The following GTF2F2 variants were observed in gnomAD, a reference collection of about 807,000 sequenced individuals.
GTF2F2 encodes general transcription factor IIF subunit 2, also known as ATP-dependent helicase GTF2F2.
Under a neutral mutation model 42.2 loss-of-function variants are expected in GTF2F2, and 23 were observed. That is an observed-to-expected ratio of 0.55 (90% CI 0.39 to 0.77). The LOEUF (loss-of-function observed/expected upper bound fraction) is 0.77, where lower values mean the gene tolerates loss of function less well. Among genes scored for constraint, GTF2F2 ranks in the 30% least tolerant of loss-of-function variants. The pLI is 0.00. For synonymous variants in GTF2F2, 105 were observed against 100.8 expected (o/e 1.04, Z -0.25); for missense variants, 261 against 287.2 (o/e 0.91, Z 0.66).
chr13:45,168,623 A>T (rs1871417931), intron 4 of GTF2F2, among the ~76,000 whole-genome samples: 1 of 151,670 alleles, frequency 6.6e-6, no homozygotes, highest in South Asian at 2.1e-4. Flanking sequence ...TTATTTATTT[A>T]TTTTTTTGAG....
intron 2 of GTF2F2, 133 bp from the exon 3 acceptor site, chr13:45,149,637 G>A (rs1870382331): frequency 2.4e-6 from 2 of 849,676 alleles, no homozygotes; most frequent in Non-Finnish European, 3.4e-6. Context: ...GGGGAGTCAA[G>A]GGTAAATATT....
intron 5 of GTF2F2, among the ~76,000 whole-genome samples, chr13:45,248,041 C>T (rs1459106658): frequency 6.6e-6 from 1 of 152,052 alleles, no homozygotes; most frequent in Non-Finnish European, 1.5e-5. Context: ...AACGGGGTTT[C>T]ACCATGTTGG....
intron 5 of GTF2F2, among the ~76,000 whole-genome samples, chr13:45,211,796 G>A (rs1306939996): frequency 4.6e-5 from 7 of 151,926 alleles, no homozygotes; most frequent in Admixed American, 3.3e-4. Context: ...ATGTTGGTCA[G>A]GTTGGTCTTG....
rs34744288 is a variant in GTF2F2 at position 45,240,101 on chromosome 13, A to ATTTTTTTTTTTT, written c.387-12755_387-12744dup. On this transcript the variant is annotated intron_variant, in intron 5 of 7. Coordinates refer to ENST00000340473, the MANE Select transcript of GTF2F2 (RefSeq NM_004128.3). ...TCCAATTTCTGTATTATGTAGAGGG[A>ATTTTTTTTTTTT]TTTTTTTTTTTTTTTTTTTTTTTTT... Among the ~76,000 whole-genome samples the ATTTTTTTTTTTT allele has an allele frequency of 1.6e-3, 142 of 91,052 alleles. 11 individuals are homozygous for ATTTTTTTTTTTT. Among genetic ancestry groups the ATTTTTTTTTTTT allele is most frequent in the African/African-American group, 7.0e-3 (131 of 18,814 alleles). The allele number at this position is 91,052 out of a possible 152,430, so 59.7% of individuals were successfully genotyped here.
chr13:45,132,510 C>T (rs1276815114), intron 1 of GTF2F2, among the ~76,000 whole-genome samples: 1 of 151,560 alleles, frequency 6.6e-6, no homozygotes, highest in Non-Finnish European at 1.5e-5. Flanking sequence ...AGAGTGTGCA[C>T]ACTGAGAAAG....
intron 5 of GTF2F2, among the ~76,000 whole-genome samples, chr13:45,242,785 T>G (rs1463319546): frequency 6.6e-6 from 1 of 152,192 alleles, no homozygotes; most frequent in East Asian, 1.9e-4. Context: ...TAAAGAATAT[T>G]TATTGAGTTG....
chr13:45,216,566 G>A (rs1308567442), intron 5 of GTF2F2, among the ~76,000 whole-genome samples: 1 of 152,050 alleles, frequency 6.6e-6, no homozygotes, highest in Non-Finnish European at 1.5e-5. Flanking sequence ...ACCCAGGCTG[G>A]AGTGCAGCCG....
At chr13:45,235,565 A>G (rs1037712164) in intron 5 of GTF2F2, among the ~76,000 whole-genome samples, 3 of 151,732 alleles carry the variant, frequency 2.0e-5, no homozygotes, top group Admixed American at 6.6e-5. Context: ...AAAATTTGAA[A>G]TTATGTCCAT....
At chr13:45,170,660 A>G (rs1871549504) in intron 4 of GTF2F2, among the ~76,000 whole-genome samples, 1 of 152,182 alleles carries the variant, frequency 6.6e-6, no homozygotes. Flanking sequence ...GTTATTCCTG[A>G]AAGCTGGAAA....
At chr13:45,131,897 CAAAA>C (rs765260379) in intron 1 of GTF2F2, among the ~76,000 whole-genome samples, 570 of 53,186 alleles carry the variant, frequency 0.011, 3 homozygotes, top group African/African-American at 0.029. Flanking sequence ...GACCCTGTCT[CAAAA>C]AAAAAAAAAA....
intron 6 of GTF2F2, among the ~76,000 whole-genome samples, chr13:45,265,283 G>T (rs1452878833): frequency 6.6e-6 from 1 of 151,840 alleles, no homozygotes; most frequent in East Asian, 1.9e-4. Context: ...ATTGAGACTG[G>T]CTGGATTTCA....
intron 1 of GTF2F2, among the ~76,000 whole-genome samples, chr13:45,134,657 A>C (rs1479858011): frequency 6.6e-6 from 1 of 152,134 alleles, no homozygotes; most frequent in Admixed American, 6.5e-5. Flanking sequence ...GTGTAGTGGA[A>C]GTTTTGTTGA....
chr13:45,209,717 G>A (rs1011768065), intron 5 of GTF2F2, among the ~76,000 whole-genome samples: 12 of 152,112 alleles, frequency 7.9e-5, no homozygotes, highest in African/African-American at 2.9e-4. Flanking sequence ...TACAAAAGCC[G>A]GGTTGAATGT....
intron 1 of GTF2F2, among the ~76,000 whole-genome samples, chr13:45,135,466 G>T (rs1358565611): frequency 6.6e-6 from 1 of 151,022 alleles, no homozygotes; most frequent in Non-Finnish European, 1.5e-5. Context: ...CACCATGTTG[G>T]TCAGGCTGGT....
chr13:45,250,388 C>A (rs1239668025), intron 5 of GTF2F2, among the ~76,000 whole-genome samples: 1 of 152,280 alleles, frequency 6.6e-6, no homozygotes, highest in East Asian at 1.9e-4. Context: ...CTCCAGTTTA[C>A]TCTCAAAATG....
chr13:45,195,260 A>G (rs971279257), intron 4 of GTF2F2, among the ~76,000 whole-genome samples: 8 of 151,658 alleles, frequency 5.3e-5, no homozygotes, highest in African/African-American at 1.9e-4. Context: ...TTTATTTTTT[A>G]TTTTTTATTA....
chr13:45,263,592 A>G (rs1238497724), intron 6 of GTF2F2: 1 of 152,142 alleles, frequency 6.6e-6, no homozygotes, highest in African/African-American at 2.4e-5. Context: ...CCTTGAAACT[A>G]TGCTTCCAGG....
intron 4 of GTF2F2, among the ~76,000 whole-genome samples, chr13:45,188,034 T>C (rs569897991): frequency 8.5e-5 from 13 of 152,290 alleles, no homozygotes; most frequent in Admixed American, 7.8e-4. Flanking sequence ...GCCTCCCAAG[T>C]AGCTCAGATT....
At chr13:45,130,770 G>A (rs965951229) in intron 1 of GTF2F2, among the ~76,000 whole-genome samples, 2 of 152,170 alleles carry the variant, frequency 1.3e-5, no homozygotes, top group African/African-American at 4.8e-5. Flanking sequence ...GTTTATGAGG[G>A]AGAAATTAGT....
Sources: gnomAD v4.1 joint callset for allele counts (sites outside exome capture counted in the v4.1 genomes callset) on GRCh38, gnomAD v4.1.1 for gene constraint, MANE v1.5 for transcripts, NCBI Gene and HGNC (gene_info 2026-07-23, HGNC 2026-07-21) for gene names.